The following KDM3A variants were observed in gnomAD, a reference collection of about 807,000 sequenced individuals.
The protein encoded by KDM3A is lysine-specific demethylase 3A.
A neutral mutation model predicts 158.0 loss-of-function variants in KDM3A; 60 were observed. That is an observed-to-expected ratio of 0.38 (90% confidence interval 0.31 to 0.47). The LOEUF (loss-of-function observed/expected upper bound fraction) is 0.47, where lower values mean the gene tolerates loss of function less well. KDM3A is among the 20% of genes least tolerant of loss of function. The probability of loss-of-function intolerance (pLI) is 0.99; values close to 1 mark genes in which losing one functional copy is unlikely to be tolerated. For missense variants in KDM3A, 1,319 were observed against 1,574.3 expected (o/e 0.84, Z 2.74); for synonymous variants, 608 against 549.3 (o/e 1.11, Z -1.49).
At chr2:86,491,984 T>G in intron 25 of KDM3A, 55 bp from the exon 26 acceptor site, 1 of 1,129,054 alleles carries the variant, frequency 8.9e-7, no homozygotes, top group East Asian at 2.4e-5. Context: ...TTATTCTTAG[T>G]GACAGGTTTT....
intron 21 of KDM3A, chr2:86,489,051 A>G (rs1263798829): frequency 5.4e-6 from 2 of 367,196 alleles, no homozygotes; most frequent in Non-Finnish European, 1.0e-5. Flanking sequence ...AGCTCACTTG[A>G]TCTAGCAGAT....
At chr2:86,452,502 A>AT (rs1476958115) in intron 4 of KDM3A, among the ~76,000 whole-genome samples, 1 of 152,124 alleles carries the variant, frequency 6.6e-6, no homozygotes, top group Non-Finnish European at 1.5e-5. Flanking sequence ...TTAATAAAAC[A>AT]TTTTTTTGCA....
At chr2:86,472,741 A>C (rs1397698911) in intron 11 of KDM3A, among the ~76,000 whole-genome samples, 1 of 152,160 alleles carries the variant, frequency 6.6e-6, no homozygotes, top group East Asian at 1.9e-4. Context: ...CTGCCTAGCA[A>C]AGTCAAGGTC....
chr2:86,453,305 T>C (rs2104636738), intron 4 of KDM3A, among the ~76,000 whole-genome samples: 1 of 152,304 alleles, frequency 6.6e-6, no homozygotes, highest in South Asian at 2.1e-4. Flanking sequence ...CTTCAGAGAA[T>C]TATCTTGTAG....
chr2:86,459,557 G>T (rs1213322787), intron 8 of KDM3A, among the ~76,000 whole-genome samples: 1 of 152,052 alleles, frequency 6.6e-6, no homozygotes, highest in Non-Finnish European at 1.5e-5. Context: ...ATGGTGGAGC[G>T]ATCAATCTGG....
intron 2 of KDM3A, among the ~76,000 whole-genome samples, chr2:86,449,376 TG>T (rs1297218604): frequency 1.3e-5 from 2 of 152,186 alleles, no homozygotes; most frequent in East Asian, 3.8e-4. Flanking sequence ...ATTGTGGTGA[TG>T]GGGGGTCATC....
chr2:86,489,201 A>G (rs756290827), intron 21 of KDM3A, 117 bp from the exon 22 acceptor site: 18 of 1,191,278 alleles, frequency 1.5e-5, no homozygotes, highest in Admixed American at 7.7e-5. Context: ...TTGATCCAGA[A>G]TTTTTATTCT....
At chr2:86,455,509 C>T (rs1672652112) in intron 5 of KDM3A, among the ~76,000 whole-genome samples, 1 of 151,946 alleles carries the variant, frequency 6.6e-6, no homozygotes, top group Non-Finnish European at 1.5e-5. Context: ...GATCTGCCTG[C>T]CAAGTGTGAG....
At chr2:86,455,051 TACCCTTA>T (rs1450050740) in intron 4 of KDM3A, 27 bp from the exon 5 acceptor site, 2 of 1,235,948 alleles carry the variant, frequency 1.6e-6, no homozygotes, top group Non-Finnish European at 2.3e-6. Flanking sequence ...TATTAACTGT[TACCCTTA>T]ACATGTAATG....
Position 86,464,168 on chromosome 2 carries a change from C to T in KDM3A, c.959C>T (p.Pro320Leu). ...PSKDPRQQST[P>L]QAANSPPNLG... ...AAGGACCCAAGACAGCAAAGTACTCCCCAGGCTGCCAACTCTCCACCTAAC... is the reference window on the plus strand; with the variant it reads ...AAGGACCCAAGACAGCAAAGTACTCTCCAGGCTGCCAACTCTCCACCTAAC... Residue 320 changes from proline to leucine, a missense_variant, in exon 9 of 26, where the codon CCC becomes CTC. Physicochemically the swap from Pro to Leu is moderately conservative, Grantham distance 98 (BLOSUM62 -3). This residue lies in a region of KDM3A where 652 missense variants were observed against 627.2 expected (regional missense o/e 1.04). Coordinates refer to ENST00000312912, the MANE Select transcript of KDM3A (RefSeq NM_018433.6). The T allele has an allele frequency of 6.2e-7, 1 of 1,611,514 alleles. No homozygotes were observed. Among genetic ancestry groups the T allele is most frequent in the South Asian group, 1.1e-5 (1 of 90,892 alleles).
At chr2:86,471,508 A>C (rs1209102098) in intron 11 of KDM3A, among the ~76,000 whole-genome samples, 7 of 152,152 alleles carry the variant, frequency 4.6e-5, no homozygotes, top group Admixed American at 1.3e-4. Flanking sequence ...TGAACTTGAG[A>C]TATAATTCAC....
At chr2:86,461,717 A>G (rs1672938119) in intron 8 of KDM3A, among the ~76,000 whole-genome samples, 1 of 152,210 alleles carries the variant, frequency 6.6e-6, no homozygotes, top group African/African-American at 2.4e-5. Flanking sequence ...AGAAATTCTG[A>G]GAGTGTGACA....
chr2:86,442,297 G>A, intron 2 of KDM3A, 64 bp downstream of exon 2: 1 of 1,456,162 alleles, frequency 6.9e-7, no homozygotes, highest in Non-Finnish European at 9.4e-7. Flanking sequence ...CGCGACCATC[G>A]GTTCCCTCCT....
chr2:86,446,171 G>GT (rs1682950942), intron 2 of KDM3A, among the ~76,000 whole-genome samples: 1 of 152,162 alleles, frequency 6.6e-6, no homozygotes, highest in South Asian at 2.1e-4. Context: ...TGGTCAAGGT[G>GT]TTTCATAGGT....
intron 12 of KDM3A, among the ~76,000 whole-genome samples, chr2:86,476,365 A>G (rs1340287044): frequency 6.7e-6 from 1 of 149,986 alleles, no homozygotes; most frequent in African/African-American, 2.5e-5. Context: ...TTTCATATAG[A>G]AAAAGGCACA....
At chr2:86,487,794 A>T (rs1674254011) in intron 21 of KDM3A, 1 of 151,986 alleles carries the variant, frequency 6.6e-6, no homozygotes, top group Non-Finnish European at 1.5e-5. Flanking sequence ...GTTTCATCTC[A>T]GTTTACCATG....
intron 9 of KDM3A, among the ~76,000 whole-genome samples, chr2:86,464,586 G>A (rs949361445): frequency 5.3e-5 from 8 of 152,200 alleles, no homozygotes; most frequent in East Asian, 1.9e-4. Context: ...GAGATTCTCC[G>A]CAGCCTCGAC....
chr2:86,437,889 A>G (rs951979545), upstream of KDM3A, among the ~76,000 whole-genome samples: 3 of 152,072 alleles, frequency 2.0e-5, no homozygotes, highest in African/African-American at 7.2e-5. Context: ...TTTAATTCTA[A>G]TAATTTGTCA....
Position 86,455,185 on chromosome 2 carries a change from A to G in KDM3A, c.554A>G (p.Lys185Arg), listed in dbSNP as rs568096784. The G allele has an allele frequency of 1.3e-6, 2 of 1,547,814 alleles. No homozygotes were observed. The highest frequency in any genetic ancestry group is 4.5e-5 in the East Asian group (2 of 44,328). The part of the protein sequence containing the change: ...VKHLDESHLL[K>R]GDKNLVGSEV... Reference sequence around the variant, plus strand: ...CATTTAGATGAAAGCCATCTTTTAAAAGGTATATGCATTATCTAGTGGTGA... The same window carrying G: ...CATTTAGATGAAAGCCATCTTTTAAGAGGTATATGCATTATCTAGTGGTGA... Residue 185 changes from lysine to arginine, a missense_variant and splice_region_variant, in exon 5 of 26, where the codon AAA (lysine) becomes AGA (arginine). Around this residue, in one of 4 missense-constraint regions of KDM3A, gnomAD observed 652 missense variants for 627.2 expected, o/e 1.04. Transcript: ENST00000312912.
Sources: allele counts gnomAD v4.1 joint callset (sites outside exome capture counted in the v4.1 genomes callset), GRCh38; gene constraint gnomAD v4.1.1; regional missense constraint gnomAD v4.1.1; transcripts MANE v1.5; gene names NCBI Gene and HGNC (gene_info 2026-07-23, HGNC 2026-07-21).